MYBL2: variants seen among roughly 807,000 people sequenced by gnomAD.
MYBL2 encodes the protein myb-related protein B.
A neutral mutation model predicts 79.9 loss-of-function variants in MYBL2; 28 were observed. The observed-to-expected ratio is 0.35, with a 90% CI of 0.26 to 0.48. MYBL2 has a LOEUF of 0.48. MYBL2 is among the 20% of genes least tolerant of loss of function. The pLI, the probability that MYBL2 is intolerant of heterozygous loss-of-function variation, is 0.99. For missense variants in MYBL2, 735 were observed against 893.9 expected (o/e 0.82, Z 2.27); for synonymous variants, 378 against 361.2 (o/e 1.05, Z -0.53).
chr20:43,690,992 T>G (rs533877504), intron 5 of MYBL2, among the ~76,000 whole-genome samples: 38 of 152,358 alleles, frequency 2.5e-4, no homozygotes, highest in Non-Finnish European at 4.3e-4. Flanking sequence ...TACTCTACTC[T>G]GTGCTTTATG....
intron 12 of MYBL2, among the ~76,000 whole-genome samples, chr20:43,713,710 C>A (rs1600568075): frequency 6.6e-6 from 1 of 152,158 alleles, no homozygotes; most frequent in African/African-American, 2.4e-5. Context: ...TAAGGTATAG[C>A]CAGGCACTTG....
rs1434928203 is a variant in MYBL2, at chr20:43,713,021, A to G, written c.1739A>G (p.Lys580Arg). ...CCCTAGCTGCGGCGGAGCCCCATCA[A>G]GAAAGTCCGGAAGTCTCTGGCTCTT... is the stretch of plus-strand genomic sequence containing the variant. ...RKPGLRRSPI[K>R]KVRKSLALDI... The change falls in exon 12 of 14, where the codon AAG (lysine) becomes AGG (arginine). Residue 580 changes from lysine to arginine, a missense_variant. By Grantham distance (26) the Lys-to-Arg change is conservative (BLOSUM62 2). Around this residue, in one of 5 missense-constraint regions of MYBL2, gnomAD observed 204 missense variants for 202.9 expected, o/e 1.01. Transcript: ENST00000217026. The G allele has an allele frequency of 1.9e-6, 3 of 1,612,264 alleles. No homozygotes were observed. The highest frequency in any genetic ancestry group is 2.2e-5 in the South Asian group (2 of 90,490).
intron 10 of MYBL2, 125 bp downstream of exon 10, chr20:43,710,187 C>CAG (rs2145734422): frequency 1.3e-6 from 1 of 748,504 alleles, no homozygotes; most frequent in African/African-American, 1.8e-5. Context: ...TGAGAAGATG[C>CAG]AGAGATCCTG....
chr20:43,676,309 C>T (rs1041139829), intron 2 of MYBL2, among the ~76,000 whole-genome samples: 1 of 151,216 alleles, frequency 6.6e-6, no homozygotes, highest in Admixed American at 6.6e-5. Context: ...CTCCTTGTTC[C>T]CTTCTTCGTG....
At chr20:43,705,101 T>G in intron 8 of MYBL2, 118 bp from the exon 9 acceptor site, 1 of 1,327,994 alleles carries the variant, frequency 7.5e-7, no homozygotes, top group African/African-American at 1.5e-5. Flanking sequence ...GGGACCTCAG[T>G]ATCAGAGCAG....
chr20:43,667,371 C>T, intron 1 of MYBL2, 68 bp downstream of exon 1: 2 of 993,092 alleles, frequency 2.0e-6, no homozygotes, highest in Non-Finnish European at 2.5e-6. Flanking sequence ...CACCCAGATA[C>T]CCCCGACCCT....
chr20:43,684,013 C>T (rs368561846), intron 4 of MYBL2, among the ~76,000 whole-genome samples: 38 of 152,066 alleles, frequency 2.5e-4, no homozygotes, highest in South Asian at 2.3e-3. Flanking sequence ...ATTGCAGCCT[C>T]GACCTCCCAG....
chr20:43,689,479 G>A (rs1470441170), intron 5 of MYBL2, among the ~76,000 whole-genome samples: 1 of 152,022 alleles, frequency 6.6e-6, no homozygotes, highest in Non-Finnish European at 1.5e-5. Flanking sequence ...TCAGTCCCTC[G>A]AACCCTGAGC....
chr20:43,674,036 T>A, intron 2 of MYBL2, 137 bp downstream of exon 2: 1 of 749,624 alleles, frequency 1.3e-6, no homozygotes, highest in Non-Finnish European at 2.3e-6. Context: ...CCTCTGATTG[T>A]CCTCATGCCT....
chr20:43,697,553 G>A (rs1051387990), intron 6 of MYBL2, among the ~76,000 whole-genome samples: 24 of 152,008 alleles, frequency 1.6e-4, no homozygotes, highest in African/African-American at 5.1e-4. Flanking sequence ...GGAGGTTGCA[G>A]TGAGCTGAGA....
rs71193702 is a variant in MYBL2, at chr20:43,706,719, G to GTTTTTTTTTTTTTTTTTTTTTTTTTTTTT, written c.1505+1375_1505+1376insTTTTTTTTTTTTTTTTTTTTTTTTTTTTT. The stretch of plus-strand genomic sequence containing the variant: ...CTGTCTGTACACAAAAAAAAAAAAA[G>GTTTTTTTTTTTTTTTTTTTTTTTTTTTTT]TTTTTTTTTTTTTTGAGATGGAGTC... On this transcript the variant is annotated intron_variant, in intron 9 of 13. Transcript: ENST00000217026. Among the ~76,000 whole-genome samples, 3 of 70,780 alleles carry GTTTTTTTTTTTTTTTTTTTTTTTTTTTTT rather than the reference G, an allele frequency of 4.2e-5. 1 individual carries two copies. Among genetic ancestry groups the GTTTTTTTTTTTTTTTTTTTTTTTTTTTTT allele is most frequent in the African/African-American group, 6.0e-5 (1 of 16,752 alleles). 46.4% of individuals were successfully genotyped at this position (70,780 alleles called of 152,430 possible).
chr20:43,701,198 G>C (rs1053848050), intron 7 of MYBL2, among the ~76,000 whole-genome samples: 2 of 152,180 alleles, frequency 1.3e-5, no homozygotes, highest in African/African-American at 4.8e-5. Flanking sequence ...GACCTTCAGC[G>C]CCTGTTGGGG....
chr20:43,686,734 G>C, intron 4 of MYBL2, 118 bp from the exon 5 acceptor site: 1 of 969,978 alleles, frequency 1.0e-6, no homozygotes, highest in Non-Finnish European at 1.5e-6. Flanking sequence ...TGTTGCCTGA[G>C]GGGATGTGGT....
intron 1 of MYBL2, among the ~76,000 whole-genome samples, chr20:43,667,982 C>T: frequency 6.6e-6 from 1 of 151,998 alleles, no homozygotes; most frequent in East Asian, 1.9e-4. Flanking sequence ...GGGGCAAAGG[C>T]AGGAACTGCG....
At chr20:43,684,706 C>T (rs1228544403) in intron 4 of MYBL2, among the ~76,000 whole-genome samples, 3 of 151,522 alleles carry the variant, frequency 2.0e-5, no homozygotes, top group Non-Finnish European at 4.4e-5. Flanking sequence ...AGTAACTCGG[C>T]GTGGTGGTGG....
chr20:43,670,999 C>T (rs1294287160), intron 1 of MYBL2, among the ~76,000 whole-genome samples: 1 of 147,668 alleles, frequency 6.8e-6, no homozygotes, highest in East Asian at 2.0e-4. Context: ...GACGGAGTCT[C>T]CCTCTGTTGC....
At chr20:43,686,033 G>A (rs902782603) in intron 4 of MYBL2, among the ~76,000 whole-genome samples, 4 of 150,960 alleles carry the variant, frequency 2.6e-5, no homozygotes, top group African/African-American at 7.3e-5. Context: ...GCAAAACTTC[G>A]TCTCAAAAAA....
intron 1 of MYBL2, 82 bp downstream of exon 1, chr20:43,667,385 C>T (rs937656076): frequency 2.9e-6 from 3 of 1,019,520 alleles, no homozygotes; most frequent in East Asian, 3.4e-5. Flanking sequence ...CGACCCTCCC[C>T]AGGCTCCCAC....
In MYBL2 at chr20:43,713,050, A is replaced by G. The variant is rs534959633; in HGVS notation, c.1768A>G (p.Ile590Val). Residue 590 changes from isoleucine (I) to valine (V), a missense_variant, in exon 12 of 14, where the codon ATT becomes GTT. By Grantham distance (29) the Ile-to-Val change is conservative. Coordinates refer to ENST00000217026, the MANE Select transcript of MYBL2 (RefSeq NM_002466.4). ...KKVRKSLALD[I>V]VDEDVKLMMS... ...AGTCCGGAAGTCTCTGGCTCTTGAC[A>G]TTGTGGATGAGGATGTGAAGCTGAT... 3 of 1,613,376 alleles carry G rather than the reference A, an allele frequency of 1.9e-6. No homozygotes were observed. The highest frequency in any genetic ancestry group is 1.7e-5 in the Admixed American group (1 of 59,946).
Sources: allele counts gnomAD v4.1 joint callset (sites outside exome capture counted in the v4.1 genomes callset), GRCh38; gene constraint gnomAD v4.1.1; regional missense constraint gnomAD v4.1.1; transcripts MANE v1.5; gene names NCBI Gene and HGNC (gene_info 2026-07-23, HGNC 2026-07-21).